Variants in SRPRA observed in about 807,000 individuals in gnomAD.
The protein encoded by SRPRA is SRP receptor subunit alpha.
In SRPRA, 30 loss-of-function variants were observed where a neutral mutation model predicts 61.1. The ratio of observed to expected loss-of-function variants is 0.49; its 90% CI spans 0.37 to 0.67. The LOEUF (loss-of-function observed/expected upper bound fraction) is 0.67. SRPRA is among the 30% of genes least tolerant of loss of function. The pLI, the probability that SRPRA is intolerant of heterozygous loss-of-function variation, is 0.00. For synonymous variants in SRPRA, 324 were observed against 299.7 expected (o/e 1.08, Z -0.84); for missense variants, 759 against 828.4 (o/e 0.92, Z 1.03).
chr11:126,263,733 G>A lies in SRPRA; in HGVS notation c.*183C>T. ...GTGGGCAGTGATTGTAACATGATTA[G>A]GCCTTCCTTGCAGATGGCGGCTGTG... On this transcript the variant is annotated 3_prime_UTR_variant, in exon 14 of 14. Transcript: ENST00000332118. 1.2e-6 allele frequency: 1 copy of A among 826,830 alleles called. No homozygotes were observed. Among genetic ancestry groups the A allele is most frequent in the Non-Finnish European group, 1.9e-6 (1 of 528,944 alleles). 51.2% of individuals were successfully genotyped at this position (826,830 alleles called of 1,614,324 possible). A position where few individuals can be genotyped will look rare whatever the true frequency, so the allele number is the denominator to read the frequency against.
chr11:126,262,857 T>C (rs1403400817), downstream of SRPRA: 1 of 152,650 alleles, frequency 6.6e-6, no homozygotes, highest in Non-Finnish European at 1.5e-5. Flanking sequence ...ACCATACATA[T>C]GTCCTAGAAC....
chr11:126,264,832 T>G lies in SRPRA; in HGVS notation c.1525+127A>C. ...AAAGCAGAGCATGGCAAGTAACTGATCTGACTTTTTACTGTAATTGACCAA... is the reference window on the plus strand; with the variant it reads ...AAAGCAGAGCATGGCAAGTAACTGAGCTGACTTTTTACTGTAATTGACCAA... On this transcript the variant is annotated intron_variant, in intron 11 of 13. Coordinates refer to ENST00000332118, the MANE Select transcript of SRPRA (RefSeq NM_003139.4). This position sits in a 1 kb window ranked among gnomAD's most constrained non-coding sequence, Gnocchi z 5.0. 1.1e-6 allele frequency: 1 copy of G among 935,680 alleles called. No individual in the cohort carries two copies. The highest frequency in any genetic ancestry group is 1.7e-5 in the South Asian group (1 of 57,902). 58.0% of individuals were successfully genotyped at this position (935,680 alleles called of 1,614,324 possible). A position where few individuals can be genotyped will look rare whatever the true frequency, so the allele number is the denominator to read the frequency against.
intron 1 of SRPRA, among the ~76,000 whole-genome samples, 175 bp downstream of exon 1, chr11:126,268,513 A>T (rs1950869864): frequency 6.9e-6 from 1 of 145,452 alleles, no homozygotes; most frequent in Admixed American, 6.8e-5. Flanking sequence ...GGCCGTCATT[A>T]AGTTGCGGGG....
the SRPRA span, among the ~76,000 whole-genome samples, chr11:126,257,849 C>T: frequency 6.6e-6 from 1 of 152,150 alleles, no homozygotes; most frequent in African/African-American, 2.4e-5. Flanking sequence ...CCTCCACATT[C>T]TAACAATAAA....
Position 126,268,888 on chromosome 11 carries a change from C to G in SRPRA, c.-84G>C, listed in dbSNP as rs1236669933. The stretch of plus-strand genomic sequence containing the variant: ...GCTTCCTGCTGCGCCAAGCGCGGGA[C>G]ACGTCACACCAGTGGCCCCGGAAAT... On this transcript the variant is annotated 5_prime_UTR_variant, in exon 1 of 14. Coordinates refer to ENST00000332118, the MANE Select transcript of SRPRA (RefSeq NM_003139.4). 3 of 1,140,702 alleles carry G rather than the reference C, an allele frequency of 2.6e-6. No individual in the cohort carries two copies. In the African/African-American group the frequency reaches 4.6e-5, roughly 17 times the overall value. 70.7% of individuals were successfully genotyped at this position (1,140,702 alleles called of 1,614,324 possible). A position where few individuals can be genotyped will look rare whatever the true frequency, so the allele number is the denominator to read the frequency against.
chr11:126,259,039 TC>T (rs1950628021), downstream of SRPRA, among the ~76,000 whole-genome samples: 1 of 152,206 alleles, frequency 6.6e-6, no homozygotes, highest in Admixed American at 6.5e-5. Flanking sequence ...TTAAACAAAA[TC>T]AAGGATTTTC....
downstream of SRPRA, chr11:126,261,100 C>T (rs892351171): frequency 7.7e-5 from 17 of 221,378 alleles, no homozygotes; most frequent in East Asian, 3.9e-4. Flanking sequence ...GAATTTTTAC[C>T]GAAACTTGGC....
chr11:126,251,397 G>C, the SRPRA span, among the ~76,000 whole-genome samples: 1 of 152,222 alleles, frequency 6.6e-6, no homozygotes, highest in African/African-American at 2.4e-5. Flanking sequence ...ATAGACAAGT[G>C]ATTTGCCTGC....
Position 126,265,792 on chromosome 11 carries a change from C to A in SRPRA, c.1083G>T (p.Gln361His), listed in dbSNP as rs115359130. 1.2e-5 allele frequency: 19 copies of A among 1,614,236 alleles called. No homozygotes were observed. The African/African-American group carries it at 1.9e-4, about 16-fold the overall frequency. The part of the protein sequence containing the change: ...AKNVAADIAV[Q>H]LCESVANKLE... ...ACTTGTTGGCAACAGATTCACAGAG[C>A]TGGACGGCAATGTCTGCAGCCACGT... Residue 361 changes from glutamine to histidine, a missense_variant, in exon 9 of 14, where the codon CAG (glutamine) becomes CAT (histidine). This residue lies in a region of SRPRA where 475 missense variants were observed against 462.5 expected (regional missense o/e 1.03). Transcript: ENST00000332118. The surrounding 1 kb of genome is among the most constrained non-coding windows in gnomAD (Gnocchi z 6.3).
downstream of SRPRA, chr11:126,262,313 C>A: frequency 5.0e-5 from 25 of 497,446 alleles, no homozygotes; most frequent in East Asian, 7.7e-5. Flanking sequence ...CCACCTGGTT[C>A]TTGATATTCT....
chr11:126,262,290 G>A (rs959321181), downstream of SRPRA: 16 of 584,946 alleles, frequency 2.7e-5, no homozygotes, highest in African/African-American at 3.9e-5. Flanking sequence ...ATGTTGCAGC[G>A]TAATCCTTCA....
chr11:126,250,171 A>G, the SRPRA span, among the ~76,000 whole-genome samples: 1 of 150,866 alleles, frequency 6.6e-6, no homozygotes, highest in East Asian at 2.0e-4. This position sits in a 1 kb window ranked among gnomAD's most constrained non-coding sequence, Gnocchi z 5.1. Flanking sequence ...GGCTCACTGC[A>G]AGCTCCGCCT....
At chr11:126,268,280 TGA>T (rs199655921) in intron 1 of SRPRA, among the ~76,000 whole-genome samples, 194 bp from the exon 2 acceptor site, 119 of 152,060 alleles carry the variant, frequency 7.8e-4, no homozygotes, top group Non-Finnish European at 1.3e-3. Context: ...GGGAAAAAGA[TGA>T]GAGAGAGAGC....
At chr11:126,251,580 T>C in the SRPRA span, among the ~76,000 whole-genome samples, 1 of 152,216 alleles carries the variant, frequency 6.6e-6, no homozygotes, top group Admixed American at 6.5e-5. Context: ...CCTCATATTC[T>C]GTATGGTCAG....
At chr11:126,262,245 G>C, downstream of SRPRA, 1 of 1,226,092 alleles carries the variant, frequency 8.2e-7, no homozygotes, top group Non-Finnish European at 1.2e-6. Flanking sequence ...AGTAACAATA[G>C]CCAGAGGTTG....
rs778601096 is a variant in SRPRA at position 126,263,888 on chromosome 11, G to A, written c.*28C>T. ...AGGAAGAAGGGCTTGTGGGGAAAGC[G>A]GCGATTTGGTATTGGGCAAGAGCCA... On this transcript the variant is annotated 3_prime_UTR_variant, in exon 14 of 14. Transcript: ENST00000332118. 3.4e-5 allele frequency: 54 copies of A among 1,611,304 alleles called. No homozygotes were observed. Among genetic ancestry groups the A allele is most frequent in the Non-Finnish European group, 4.1e-5 (48 of 1,179,098 alleles).
In SRPRA at chr11:126,266,787, T is replaced by C. The variant is rs1454978589; in HGVS notation, c.662A>G (p.His221Arg). 4 of 1,614,038 alleles carry C rather than the reference T, an allele frequency of 2.5e-6. No individual in the cohort carries two copies. The African/African-American group carries it at 4.0e-5, about 16-fold the overall frequency. The change falls in exon 5 of 14, where the codon CAT becomes CGT. Residue 221 changes from histidine (H) to arginine (R), a missense_variant. Transcript: ENST00000332118. ...RRKREEFIQK[H>R]GRGMEKSNKS... ...CTTGGACTTCTCCATACCCCTCCCA[T>C]GCTTCTGAATGAACTCCTCGCGCTT... is the stretch of plus-strand genomic sequence containing the variant.
At chr11:126,259,570 C>G (rs183926559), downstream of SRPRA, among the ~76,000 whole-genome samples, 2 of 151,706 alleles carry the variant, frequency 1.3e-5, no homozygotes, top group Non-Finnish European at 2.9e-5. Context: ...GAACTATAGG[C>G]GCCCACCACC....
the SRPRA span, among the ~76,000 whole-genome samples, chr11:126,252,562 G>T: frequency 6.6e-6 from 1 of 152,014 alleles, no homozygotes; most frequent in Non-Finnish European, 1.5e-5. This position sits in a 1 kb window ranked among gnomAD's most constrained non-coding sequence, Gnocchi z 4.7. Flanking sequence ...GGGCATCATA[G>T]CAAGACCCCA....
Sources: gnomAD v4.1 joint callset for allele counts (sites outside exome capture counted in the v4.1 genomes callset) on GRCh38, gnomAD v4.1.1 for gene constraint, gnomAD v4.1.1 regional missense constraint, Gnocchi (gnomAD v3.1) non-coding constraint, MANE v1.5 for transcripts, NCBI Gene and HGNC (gene_info 2026-07-23, HGNC 2026-07-21) for gene names.